OCA2: variants seen among roughly 807,000 people sequenced by gnomAD.
The protein encoded by OCA2 is OCA2 melanosomal transmembrane protein.
Under a neutral mutation model 100.2 loss-of-function variants are expected in OCA2, and 77 were observed. That is an observed-to-expected ratio of 0.77 (90% CI 0.64 to 0.93). The LOEUF (loss-of-function observed/expected upper bound fraction) is 0.93, where lower values mean the gene tolerates loss of function less well. Ranked by LOEUF, OCA2 falls within the 40% of genes least tolerant of loss-of-function variation. OCA2 has a pLI of 0.00. For synonymous variants in OCA2, 432 were observed against 439.2 expected (o/e 0.98, Z 0.21); for missense variants, 1,062 against 1,089.1 (o/e 0.98, Z 0.35).
At position 28,024,913 on chromosome 15, in the gene OCA2, A is replaced by C; in HGVS notation, c.516-11T>G. The C allele has an allele frequency of 1.2e-6, 2 of 1,614,120 alleles. No individual in the cohort carries two copies. Among genetic ancestry groups the C allele is most frequent in the Non-Finnish European group, 1.7e-6 (2 of 1,179,956 alleles). On this transcript the variant is annotated splice_polypyrimidine_tract_variant and intron_variant, in intron 4 of 23. Transcript: ENST00000354638. ...CACTGCACACAGCGCCTGCAAGAGA[A>C]AAAGTAGGGCCTTAGTGGCAAGGGC...
At chr15:28,074,589 G>A (rs1479249652) in intron 2 of OCA2, among the ~76,000 whole-genome samples, 2 of 151,814 alleles carry the variant, frequency 1.3e-5, no homozygotes, top group Non-Finnish European at 2.9e-5. Flanking sequence ...CAGGAGAATG[G>A]CGTGAACCCG....
At chr15:27,950,234 T>A (rs1017043358) in intron 18 of OCA2, among the ~76,000 whole-genome samples, 1 of 152,200 alleles carries the variant, frequency 6.6e-6, no homozygotes, top group African/African-American at 2.4e-5. Context: ...GACTCTCAAA[T>A]AAAATCAGGA....
At chr15:27,756,561 G>T (rs780566956) in intron 23 of OCA2, among the ~76,000 whole-genome samples, 2 of 152,168 alleles carry the variant, frequency 1.3e-5, no homozygotes, top group African/African-American at 2.4e-5. Context: ...CTTTGTTTTT[G>T]AAAATAGCTG....
At chr15:27,835,904 G>T (rs1055704352) in intron 23 of OCA2, among the ~76,000 whole-genome samples, 4 of 152,186 alleles carry the variant, frequency 2.6e-5, no homozygotes, top group Admixed American at 6.5e-5. Flanking sequence ...TACAGTGGAG[G>T]GGGGGTGGTC....
At chr15:27,959,012 C>G (rs2040323557) in intron 15 of OCA2, among the ~76,000 whole-genome samples, 1 of 152,160 alleles carries the variant, frequency 6.6e-6, no homozygotes. Flanking sequence ...GCTCATCACC[C>G]ACTGCGTGGC....
At chr15:27,984,812 G>A (rs1233010392) in intron 13 of OCA2, among the ~76,000 whole-genome samples, 1 of 152,218 alleles carries the variant, frequency 6.6e-6, no homozygotes, top group Non-Finnish European at 1.5e-5. Flanking sequence ...ACAATCTCCA[G>A]GAAAGCAAGG....
Position 27,983,465 on chromosome 15 carries a change from G to T in OCA2, c.1383C>A (p.Asn461Lys). 1.2e-6 allele frequency: 2 copies of T among 1,614,222 alleles called. No individual in the cohort carries two copies. Among genetic ancestry groups the T allele is most frequent in the Non-Finnish European group, 1.7e-6 (2 of 1,180,034 alleles). Residue 461 changes from asparagine to lysine, a missense_variant, in exon 14 of 24, where the codon AAC (asparagine) becomes AAA (lysine). By Grantham distance (94) the Asn-to-Lys change is moderately conservative. Transcript: ENST00000354638. The part of the protein sequence containing the change: ...PVTIRLCEVL[N>K]LDPRQVLIAE... ...CAATCAGGACTTGTCTTGGATCAAG[G>T]TTGAGCACCTCACACAACCTGTCAC...
chr15:27,730,173 A>G, the OCA2 span, among the ~76,000 whole-genome samples: 3 of 152,232 alleles, frequency 2.0e-5, no homozygotes, highest in African/African-American at 7.2e-5. Context: ...CTCTGGTTTG[A>G]TAATTTGCTA....
At chr15:27,730,073 A>T in the OCA2 span, among the ~76,000 whole-genome samples, 348 of 152,244 alleles carry the variant, frequency 2.3e-3, 1 homozygote, top group African/African-American at 8.1e-3. Flanking sequence ...GTCCCTCAAG[A>T]CCACCCCAAC....
At chr15:28,027,399 C>T (rs2042786345) in intron 4 of OCA2, among the ~76,000 whole-genome samples, 1 of 152,234 alleles carries the variant, frequency 6.6e-6, no homozygotes, top group Admixed American at 6.5e-5. Flanking sequence ...AATGGTTTTC[C>T]AACGGATTGT....
At chr15:27,853,007 C>T in intron 21 of OCA2, among the ~76,000 whole-genome samples, 1 of 122,472 alleles carries the variant, frequency 8.2e-6, no homozygotes, top group East Asian at 2.4e-4. Context: ...TTGTGGAAGT[C>T]AGTGTGGCGA....
In OCA2 at chr15:27,979,785, C is replaced by T. The variant is rs142936968; in HGVS notation, c.1503+3560G>A. ...CACAGTCTTGGCTCACTGCAACCTC[C>T]GCCTCCTGGGTTCAAGCAATCCTTC... is the stretch of plus-strand genomic sequence containing the variant. On this transcript the variant is annotated intron_variant, in intron 14 of 23. Coordinates refer to ENST00000354638, the MANE Select transcript of OCA2 (RefSeq NM_000275.3). Among the ~76,000 whole-genome samples the T allele has an allele frequency of 8.9e-4, 135 of 151,486 alleles. 2 individuals are homozygous for T. Among genetic ancestry groups the T allele is most frequent in the Admixed American group, 4.7e-3 (71 of 15,242 alleles).
the OCA2 span, among the ~76,000 whole-genome samples, chr15:27,746,106 G>A: frequency 6.6e-6 from 1 of 152,176 alleles, no homozygotes; most frequent in Non-Finnish European, 1.5e-5. Context: ...CTCATATTTG[G>A]TTCAGAATAA....
At chr15:27,933,560 G>A (rs945282290) in intron 18 of OCA2, among the ~76,000 whole-genome samples, 5 of 152,214 alleles carry the variant, frequency 3.3e-5, no homozygotes. Flanking sequence ...AGTTCGAAAA[G>A]AGAGTCAGCG....
intron 21 of OCA2, 50 bp from the exon 22 acceptor site, chr15:27,851,525 G>T: frequency 6.9e-7 from 1 of 1,444,212 alleles, no homozygotes; most frequent in Non-Finnish European, 9.7e-7. Flanking sequence ...GCTCAGAGAA[G>T]CTGCCATACT....
intron 5 of OCA2, among the ~76,000 whole-genome samples, chr15:28,023,157 G>C (rs969451321): frequency 6.6e-6 from 1 of 152,138 alleles, no homozygotes; most frequent in African/African-American, 2.4e-5. Flanking sequence ...CAGAGCACCT[G>C]CCAGGCCCTG....
chr15:27,803,548 A>C (rs2033701250), intron 23 of OCA2, among the ~76,000 whole-genome samples: 1 of 152,230 alleles, frequency 6.6e-6, no homozygotes. Context: ...TCATAGGGAC[A>C]GAACAGAATA....
intron 19 of OCA2, among the ~76,000 whole-genome samples, chr15:27,906,651 C>T (rs1000406557): frequency 3.3e-5 from 5 of 152,000 alleles, no homozygotes; most frequent in East Asian, 1.9e-4. Flanking sequence ...CAAGGCCGCA[C>T]GCAAAACAAT....
At chr15:28,095,110 C>G (rs766326668) in intron 1 of OCA2, among the ~76,000 whole-genome samples, 1 of 152,248 alleles carries the variant, frequency 6.6e-6, no homozygotes, top group African/African-American at 2.4e-5. Context: ...CCGCCTCCTG[C>G]CCAGGTCCAG....
Sources: allele counts gnomAD v4.1 joint callset (sites outside exome capture counted in the v4.1 genomes callset), GRCh38; gene constraint gnomAD v4.1.1; transcripts MANE v1.5; gene names NCBI Gene and HGNC (gene_info 2026-07-23, HGNC 2026-07-21).